The following VPS45 variants were observed in gnomAD, a reference collection of about 807,000 sequenced individuals.
VPS45 encodes the protein vacuolar protein sorting-associated protein 45.
VPS45 carries 35 observed loss-of-function variants against 75.9 expected under a neutral mutation model. The observed-to-expected ratio is 0.46, with a 90% CI of 0.35 to 0.61. The LOEUF (loss-of-function observed/expected upper bound fraction) is 0.61. VPS45 is among the 20% of genes least tolerant of loss of function. VPS45 has a pLI of 0.00. For missense variants in VPS45, 559 were observed against 685.9 expected, an observed-to-expected ratio of 0.81 and a Z score of 2.07; for synonymous variants, 220 against 238.2, an observed-to-expected ratio of 0.92 and a Z score of 0.70.
At chr1:150,118,058 A>G (rs1420695175) in intron 14 of VPS45, among the ~76,000 whole-genome samples, 3 of 151,892 alleles carry the variant, frequency 2.0e-5, no homozygotes, top group Non-Finnish European at 4.4e-5. Context: ...CAAGGCAGGC[A>G]TATCACTTGA....
intron 14 of VPS45, among the ~76,000 whole-genome samples, chr1:150,124,716 A>ACTT (rs1263761716): frequency 1.4e-5 from 2 of 138,610 alleles, no homozygotes; most frequent in African/African-American, 2.7e-5. Flanking sequence ...CACCTGGCTA[A>ACTT]TTTTTTTTTT....
At chr1:150,113,935 A>C (rs1243121339) in intron 14 of VPS45, among the ~76,000 whole-genome samples, 2 of 152,112 alleles carry the variant, frequency 1.3e-5, no homozygotes, top group Non-Finnish European at 1.5e-5. Flanking sequence ...TAAAGGCTAC[A>C]CTTAATCTAT....
intron 10 of VPS45, 21 bp downstream of exon 10, chr1:150,082,904 A>C: frequency 1.2e-6 from 2 of 1,608,428 alleles, no homozygotes; most frequent in Non-Finnish European, 1.7e-6. Context: ...TTTGATGAGC[A>C]CCTACTATGT....
At chr1:150,130,348 C>G (rs1658767853) in intron 14 of VPS45, among the ~76,000 whole-genome samples, 1 of 151,686 alleles carries the variant, frequency 6.6e-6, no homozygotes, top group Admixed American at 6.6e-5. Context: ...ACCACCATGC[C>G]CAACTAATTT....
chr1:150,081,125 A>G (rs1213956797), intron 7 of VPS45, among the ~76,000 whole-genome samples: 9 of 152,338 alleles, frequency 5.9e-5, no homozygotes, highest in African/African-American at 1.9e-4. Flanking sequence ...TTCCAAAAGT[A>G]TGAAATCTAA....
In VPS45 at chr1:150,093,518, CT is replaced by C. The variant is rs781916524; in HGVS notation, c.1372-8del. ...AAAATGACATAAGAACCATTTTCCC[CT>C]GTTTTAGGGAGTAGAAAATGTATAT... On this transcript the variant is annotated splice_region_variant and splice_polypyrimidine_tract_variant and intron_variant, in intron 12 of 14. Coordinates refer to ENST00000644510, the MANE Select transcript of VPS45 (RefSeq NM_007259.5). The C allele has an allele frequency of 5.6e-6, 9 of 1,603,866 alleles. No individual in the cohort carries two copies. The African/African-American group carries it at 9.4e-5, about 17-fold the overall frequency.
intron 14 of VPS45, among the ~76,000 whole-genome samples, chr1:150,111,719 T>C (rs1017603667): frequency 3.3e-5 from 5 of 152,196 alleles, no homozygotes; most frequent in Non-Finnish European, 7.3e-5. Flanking sequence ...ATAACTTTTC[T>C]CCTTTATTAT....
At chr1:150,144,051 A>C (rs1407908109) in intron 14 of VPS45, among the ~76,000 whole-genome samples, 5 of 152,200 alleles carry the variant, frequency 3.3e-5, no homozygotes, top group Non-Finnish European at 5.9e-5. Flanking sequence ...AAGTAAAAGA[A>C]AGGTTTTAAA....
At chr1:150,117,653 G>C (rs587759226) in intron 14 of VPS45, among the ~76,000 whole-genome samples, 1 of 152,278 alleles carries the variant, frequency 6.6e-6, no homozygotes, top group East Asian at 1.9e-4. Flanking sequence ...GAACTCAGGA[G>C]TTTGAGACCA....
At chr1:150,098,874 G>A (rs1553803612) in intron 13 of VPS45, 2 of 1,272,700 alleles carry the variant, frequency 1.6e-6, no homozygotes, top group Non-Finnish European at 2.0e-6. Context: ...TCTGATAAAG[G>A]CAAGCAACTT....
rs1659567480 is a variant in VPS45 at position 150,144,482 on chromosome 1, C to CA, written c.1626-227_1626-226insA. 3.4e-3 allele frequency among the ~76,000 whole-genome samples: 7 copies of CA among 2,080 alleles called. No homozygotes were observed. In the Admixed American group the frequency reaches 0.037, roughly 11 times the overall value. 1.4% of individuals were successfully genotyped at this position (2,080 alleles called of 152,430 possible). A position where few individuals can be genotyped will look rare whatever the true frequency, so the allele number is the denominator to read the frequency against. The stretch of plus-strand genomic sequence containing the variant: ...CTTAATAGATCTTACAAATTTAATT[C>CA]TAAAAAAAAAATGAAGACCCTGGGG... On this transcript the variant is annotated intron_variant, in intron 14 of 14. Coordinates refer to ENST00000644510, the MANE Select transcript of VPS45 (RefSeq NM_007259.5).
Position 150,095,574 on chromosome 1 carries a change from C to T in VPS45, c.1493+1926C>T, listed in dbSNP as rs1409221223. Among the ~76,000 whole-genome samples, 4 of 150,068 alleles carry T rather than the reference C, an allele frequency of 2.7e-5. No individual in the cohort carries two copies. In the East Asian group the frequency reaches 7.9e-4, roughly 30 times the overall value. On this transcript the variant is annotated intron_variant, in intron 13 of 14. Transcript: ENST00000644510. ...GGTTGCAGTGAGCTGAAATTTGCAC[C>T]GTTGCACTCGAGCCTGGGCAACAGA...
chr1:150,132,624 C>T (rs797025839), intron 14 of VPS45, among the ~76,000 whole-genome samples: 19 of 152,304 alleles, frequency 1.2e-4, no homozygotes, highest in African/African-American at 4.1e-4. Flanking sequence ...ATCATTAGAG[C>T]TTCTGAGCCT....
At chr1:150,134,836 T>C (rs1175331536) in intron 14 of VPS45, among the ~76,000 whole-genome samples, 2 of 152,206 alleles carry the variant, frequency 1.3e-5, no homozygotes, top group Non-Finnish European at 2.9e-5. Context: ...TTATTATTAC[T>C]ATTGCTCCTC....
chr1:150,112,899 A>C (rs1657721491), intron 14 of VPS45, among the ~76,000 whole-genome samples: 1 of 152,206 alleles, frequency 6.6e-6, no homozygotes, highest in Non-Finnish European at 1.5e-5. Flanking sequence ...CAAATGTAAG[A>C]GATGCATAGG....
rs1482108406 is a variant in VPS45, at chr1:150,077,203, C to T, written c.548C>T (p.Ala183Val). ...ATTCGTTATCAGCTCTCATCAGAGG[C>T]AGCAAAGAGACTTGCAGAGTGCGTT... ...PMIRYQLSSE[A>V]AKRLAECVKQ... Residue 183 changes from alanine to valine, a missense_variant, in exon 6 of 15, where the codon GCA becomes GTA. Coordinates refer to ENST00000644510, the MANE Select transcript of VPS45 (RefSeq NM_007259.5). 1 of 1,613,936 alleles carries T rather than the reference C, an allele frequency of 6.2e-7. No homozygotes were observed. The highest frequency in any genetic ancestry group is 1.3e-5 in the African/African-American group (1 of 74,898).
At chr1:150,134,170 C>T (rs1658963851) in intron 14 of VPS45, among the ~76,000 whole-genome samples, 1 of 152,012 alleles carries the variant, frequency 6.6e-6, no homozygotes, top group Admixed American at 6.6e-5. Context: ...CAGTGTATTC[C>T]AAGACTTATT....
At chr1:150,127,410 T>A (rs999563186) in intron 14 of VPS45, among the ~76,000 whole-genome samples, 1 of 151,380 alleles carries the variant, frequency 6.6e-6, no homozygotes, top group Admixed American at 6.6e-5. Context: ...TTGATCTGGG[T>A]TCAAGCAGTC....
At chr1:150,097,961 CA>C (rs1196984480) in intron 13 of VPS45, among the ~76,000 whole-genome samples, 2 of 152,016 alleles carry the variant, frequency 1.3e-5, no homozygotes, top group Non-Finnish European at 2.9e-5. Flanking sequence ...TAAGCCATCC[CA>C]CCTCATTCTC....
Sources: allele counts gnomAD v4.1 joint callset (sites outside exome capture counted in the v4.1 genomes callset), GRCh38; gene constraint gnomAD v4.1.1; transcripts MANE v1.5; gene names NCBI Gene and HGNC (gene_info 2026-07-23, HGNC 2026-07-21).